Variants in NDUFB1 observed in about 807,000 individuals in gnomAD.
NDUFB1 encodes the protein NADH:ubiquinone oxidoreductase subunit B1, also known as NADH dehydrogenase [ubiquinone] 1 beta subcomplex subunit 1.
NDUFB1 carries 6 observed loss-of-function variants against 6.7 expected under a neutral mutation model. That is an observed-to-expected ratio of 0.89 (90% confidence interval 0.49 to 1.76). The LOEUF (loss-of-function observed/expected upper bound fraction) is 1.76. Among genes scored for constraint, NDUFB1 ranks in the 40% most tolerant of loss-of-function variants. The pLI is 0.01. For missense variants in NDUFB1, 56 were observed against 71.0 expected, an observed-to-expected ratio of 0.79 and a Z score of 0.76; for synonymous variants, 17 against 22.9, an observed-to-expected ratio of 0.74 and a Z score of 0.74.
At chr14:92,119,429 A>T (rs2068738157) in intron 1 of NDUFB1, among the ~76,000 whole-genome samples, 1 of 152,234 alleles carries the variant, frequency 6.6e-6, no homozygotes. Flanking sequence ...TAATCCAAAT[A>T]GCTATTAAGT....
chr14:92,116,328 TTTC>T, intron 2 of NDUFB1, 99 bp from the exon 3 acceptor site: 5 of 887,486 alleles, frequency 5.6e-6, no homozygotes, highest in Non-Finnish European at 6.7e-6. Flanking sequence ...AATATTTCAT[TTTC>T]TTTTTTTTTT....
At chr14:92,118,831 G>C (rs1423631342) in intron 1 of NDUFB1, 1 of 184,966 alleles carries the variant, frequency 5.4e-6, no homozygotes, top group East Asian at 1.8e-4. Flanking sequence ...AAAATTAGGT[G>C]GGCGTAGTGG....
chr14:92,116,288 G>T, intron 2 of NDUFB1, 59 bp from the exon 3 acceptor site: 5 of 1,195,216 alleles, frequency 4.2e-6, no homozygotes, highest in Non-Finnish European at 6.1e-6. Flanking sequence ...TGTGATACGA[G>T]ATAAAAGGGG....
At chr14:92,120,863 T>C (rs961421736) in intron 1 of NDUFB1, among the ~76,000 whole-genome samples, 2 of 149,996 alleles carry the variant, frequency 1.3e-5, no homozygotes, top group African/African-American at 4.9e-5. Flanking sequence ...TACTTTTGTC[T>C]TTTAAAAGGC....
In NDUFB1 at chr14:92,117,682, T is replaced by G. The variant is rs1052670397; in HGVS notation, c.-5-40A>C. The G allele has an allele frequency of 3.5e-6, 5 of 1,448,580 alleles. No homozygotes were observed. In the African/African-American group the frequency reaches 5.7e-5, roughly 17 times the overall value. 89.7% of individuals were successfully genotyped at this position (1,448,580 alleles called of 1,614,324 possible). ...AATTATCAGAAATACAACTGCTTTG[T>G]TTTTTTTTTGAAATAGCTTTTAAAT... is the stretch of plus-strand genomic sequence containing the variant. On this transcript the variant is annotated intron_variant, in intron 1 of 2. Coordinates refer to ENST00000605997, the MANE Select transcript of NDUFB1 (RefSeq NM_004545.4).
chr14:92,120,488 T>TTAAAGGTA (rs2068749057), intron 1 of NDUFB1: 1 of 150,880 alleles, frequency 6.6e-6, no homozygotes, highest in South Asian at 2.1e-4. Flanking sequence ...GTAGCTGGGA[T>TTAAAGGTA]TACAGGTATG....
chr14:92,121,369 C>G (rs149184491), intron 1 of NDUFB1: 5 of 553,946 alleles, frequency 9.0e-6, no homozygotes, highest in Non-Finnish European at 1.6e-5. Flanking sequence ...TCTCTCCAGT[C>G]CGGTTAGCGG....
At chr14:92,121,599 C>T (rs1203428303) in intron 1 of NDUFB1, 43 bp downstream of exon 1, 6 of 1,610,952 alleles carry the variant, frequency 3.7e-6, no homozygotes, top group Non-Finnish European at 5.1e-6. Context: ...CCACCGTCGC[C>T]GTGATCCTCG....
Position 92,117,625 on chromosome 14 carries a change from G to T in NDUFB1, c.13C>A (p.Leu5Ile), listed in dbSNP as rs570367747. The change falls in exon 2 of 3, where the codon CTT becomes ATT. Residue 5 changes from leucine (L) to isoleucine (I), a missense_variant. Leu to Ile is a conservative substitution (Grantham distance 5). Coordinates refer to ENST00000605997, the MANE Select transcript of NDUFB1 (RefSeq NM_004545.4). MVNL[L>I]QIVRDHWVHV... ...ACCCAGTGGTCCCGCACAATCTGAA[G>T]TAAGTTCACCATGATAGCTAAAAGA... 1.9e-6 allele frequency: 3 copies of T among 1,613,472 alleles called. No individual in the cohort carries two copies. Among genetic ancestry groups the T allele is most frequent in the Admixed American group, 3.3e-5 (2 of 59,970 alleles).
chr14:92,117,472 G>C, intron 2 of NDUFB1, 26 bp downstream of exon 2: 1 of 1,611,624 alleles, frequency 6.2e-7, no homozygotes, highest in Non-Finnish European at 8.5e-7. Context: ...TTGGCCAATT[G>C]CTGGTTTAAA....
At chr14:92,121,569 C>G (rs1037250654) in intron 1 of NDUFB1, 73 bp downstream of exon 1, 1 of 1,602,460 alleles carries the variant, frequency 6.2e-7, no homozygotes, top group African/African-American at 1.3e-5. Flanking sequence ...GCACCGAGGG[C>G]TTGCCTAGAA....
At chr14:92,119,024 T>C (rs1456295267) in intron 1 of NDUFB1, 2 of 333,464 alleles carry the variant, frequency 6.0e-6, no homozygotes, top group East Asian at 1.2e-4. Context: ...AATTTACTTT[T>C]ATAGAGTGAC....
chr14:92,116,165 T>G lies in NDUFB1; in HGVS notation c.*28A>C. ...TTTTATTTCTCTCAGAACTTTAAAATGTGAACATTCGATAATCTAGCCAGT... is the reference window on the plus strand; with the variant it reads ...TTTTATTTCTCTCAGAACTTTAAAAGGTGAACATTCGATAATCTAGCCAGT... On this transcript the variant is annotated 3_prime_UTR_variant, in exon 3 of 3. Transcript: ENST00000605997. 3 of 1,598,534 alleles carry G rather than the reference T, an allele frequency of 1.9e-6. No individual in the cohort carries two copies. The highest frequency in any genetic ancestry group is 2.6e-6 in the Non-Finnish European group (3 of 1,166,108).
intron 2 of NDUFB1, among the ~76,000 whole-genome samples, chr14:92,117,271 C>T (rs1411996450): frequency 6.6e-6 from 1 of 152,190 alleles, no homozygotes; most frequent in Non-Finnish European, 1.5e-5. Flanking sequence ...AAAGACGATA[C>T]TTTCAAAGAC....
chr14:92,118,992 A>AAG (rs1384904760), intron 1 of NDUFB1: 2 of 381,028 alleles, frequency 5.2e-6, no homozygotes, highest in East Asian at 1.0e-4. Flanking sequence ...AAGAAAGAAA[A>AAG]AAAAAGGCAA....
chr14:92,118,913 G>T (rs942440766), intron 1 of NDUFB1: 2 of 311,842 alleles, frequency 6.4e-6, no homozygotes, highest in Admixed American at 8.8e-5. Context: ...GGCAGAGGTT[G>T]CAGTGAGCTG....
At chr14:92,117,145 A>G (rs572315131) in intron 2 of NDUFB1, among the ~76,000 whole-genome samples, 2 of 152,382 alleles carry the variant, frequency 1.3e-5, no homozygotes, top group Admixed American at 1.3e-4. Context: ...TATCTCAGCT[A>G]TAGCATGTCT....
chr14:92,121,532 C>A, intron 1 of NDUFB1, 110 bp downstream of exon 1: 2 of 1,502,590 alleles, frequency 1.3e-6, no homozygotes, highest in South Asian at 2.3e-5. Flanking sequence ...CCCGGGGAAG[C>A]CCAGACCACC....
intron 1 of NDUFB1, among the ~76,000 whole-genome samples, chr14:92,121,033 G>C (rs1224105474): frequency 6.6e-6 from 1 of 151,962 alleles, no homozygotes; most frequent in Non-Finnish European, 1.5e-5. Flanking sequence ...GTGGTGGCGG[G>C]CGCCTGTAAT....
Sources: allele counts gnomAD v4.1 joint callset (sites outside exome capture counted in the v4.1 genomes callset), GRCh38; gene constraint gnomAD v4.1.1; transcripts MANE v1.5; gene names NCBI Gene and HGNC (gene_info 2026-07-23, HGNC 2026-07-21).